Variants in NALCN observed in about 807,000 individuals in gnomAD.
The protein encoded by NALCN is sodium leak channel, non-selective.
A neutral mutation model predicts 225.3 loss-of-function variants in NALCN; 111 were observed. The ratio of observed to expected loss-of-function variants is 0.49; its 90% CI spans 0.42 to 0.58. The LOEUF (loss-of-function observed/expected upper bound fraction) is 0.58. Ranked by LOEUF, NALCN falls within the 20% of genes least tolerant of loss-of-function variation. The pLI, the probability that NALCN is intolerant of heterozygous loss-of-function variation, is 0.00. For missense variants in NALCN, 1,378 were observed against 2,202.4 expected (o/e 0.63, Z 7.49); for synonymous variants, 764 against 769.0 (o/e 0.99, Z 0.11).
chr13:101,296,817 ATGATAATCAGTTCTCC>A (rs1235070088), intron 7 of NALCN, among the ~76,000 whole-genome samples: 1 of 152,202 alleles, frequency 6.6e-6, no homozygotes, highest in African/African-American at 2.4e-5. Context: ...AATGATACTC[ATGATAATCAGTTCTCC>A]TGATTTCATT....
At chr13:101,344,311 G>C (rs1458580230) in intron 7 of NALCN, among the ~76,000 whole-genome samples, 4 of 152,114 alleles carry the variant, frequency 2.6e-5, no homozygotes, top group Non-Finnish European at 4.4e-5. Context: ...AATATTACTG[G>C]TCAAAAGAGA....
chr13:101,196,649 G>T (rs1029606259), intron 13 of NALCN, among the ~76,000 whole-genome samples: 1 of 152,114 alleles, frequency 6.6e-6, no homozygotes, highest in African/African-American at 2.4e-5. Flanking sequence ...AGAAGTATTA[G>T]CTGAGGCTGT....
intron 11 of NALCN, among the ~76,000 whole-genome samples, chr13:101,254,890 C>CAA (rs149258180): frequency 0.014 from 536 of 37,938 alleles, 49 homozygotes; most frequent in Middle Eastern, 0.022. Context: ...GACTCTGTCT[C>CAA]AAAAAAAAAA....
chr13:101,169,489 C>T (rs188881098), intron 15 of NALCN, among the ~76,000 whole-genome samples: 2 of 152,284 alleles, frequency 1.3e-5, no homozygotes, highest in African/African-American at 2.4e-5. Context: ...CAACCTTTCT[C>T]GCCTCCCTCT....
intron 7 of NALCN, among the ~76,000 whole-genome samples, chr13:101,313,754 G>T (rs565435937): frequency 3.3e-5 from 5 of 152,106 alleles, no homozygotes; most frequent in Non-Finnish European, 7.4e-5. Flanking sequence ...TTGGTGTGGC[G>T]ATTCCTCAGG....
chr13:101,108,488 A>G (rs2035261208), intron 20 of NALCN, among the ~76,000 whole-genome samples: 1 of 152,202 alleles, frequency 6.6e-6, no homozygotes, highest in African/African-American at 2.4e-5. Context: ...AAAGGCATAG[A>G]GAGACATAGA....
chr13:101,175,846 C>A (rs953107601), intron 15 of NALCN, among the ~76,000 whole-genome samples: 1 of 152,172 alleles, frequency 6.6e-6, no homozygotes, highest in African/African-American at 2.4e-5. Flanking sequence ...CACATTTGAT[C>A]ATTTATTCTG....
At chr13:101,134,461 T>G (rs17581968) in intron 17 of NALCN, among the ~76,000 whole-genome samples, 7,927 of 152,320 alleles carry the variant, frequency 0.052, 286 homozygotes, top group Middle Eastern at 0.085. Flanking sequence ...TTTATTACAT[T>G]TTCTTTCATT....
intron 25 of NALCN, 23 bp from the exon 26 acceptor site, chr13:101,103,362 T>C: frequency 6.3e-7 from 1 of 1,591,606 alleles, no homozygotes; most frequent in East Asian, 2.2e-5. Flanking sequence ...AAATGATCTC[T>C]GGAATTTATA....
intron 13 of NALCN, among the ~76,000 whole-genome samples, chr13:101,211,633 G>C (rs567321795): frequency 7.2e-6 from 1 of 138,936 alleles, no homozygotes; most frequent in African/African-American, 2.8e-5. Flanking sequence ...TTTGGGGGGG[G>C]AGACAATGAC....
At chr13:101,350,339 T>A (rs1273088324) in intron 6 of NALCN, among the ~76,000 whole-genome samples, 2 of 151,962 alleles carry the variant, frequency 1.3e-5, no homozygotes, top group Non-Finnish European at 2.9e-5. Flanking sequence ...GGTCTTCTCC[T>A]CCACTTGGAA....
chr13:101,126,369 G>A (rs1166350442), intron 17 of NALCN, among the ~76,000 whole-genome samples: 1 of 152,162 alleles, frequency 6.6e-6, no homozygotes, highest in Admixed American at 6.5e-5. Context: ...GTATGGACAA[G>A]GAGACAAGAG....
chr13:101,055,678 A>C (rs2031143242), intron 43 of NALCN, among the ~76,000 whole-genome samples, 190 bp from the exon 44 acceptor site: 1 of 152,018 alleles, frequency 6.6e-6, no homozygotes, highest in Non-Finnish European at 1.5e-5. Context: ...AATTGTGCTC[A>C]TGGACAACTA....
chr13:101,368,188 G>A (rs1401082877), intron 6 of NALCN, among the ~76,000 whole-genome samples: 1 of 131,116 alleles, frequency 7.6e-6, no homozygotes, highest in East Asian at 2.4e-4. Context: ...AGAGTGTGAT[G>A]TTCTCCTTCC....
chr13:101,193,761 T>C (rs1190457056), intron 13 of NALCN, among the ~76,000 whole-genome samples: 1 of 152,216 alleles, frequency 6.6e-6, no homozygotes, highest in Non-Finnish European at 1.5e-5. Flanking sequence ...AACTCATCAT[T>C]GAGGGCAATT....
chr13:101,377,814 C>T (rs2046737200), intron 4 of NALCN, among the ~76,000 whole-genome samples: 1 of 151,944 alleles, frequency 6.6e-6, no homozygotes, highest in Non-Finnish European at 1.5e-5. Context: ...GCATTCTTAC[C>T]ACAACCAAAT....
At chr13:101,298,749 C>G (rs1375822372) in intron 7 of NALCN, among the ~76,000 whole-genome samples, 1 of 152,184 alleles carries the variant, frequency 6.6e-6, no homozygotes, top group Non-Finnish European at 1.5e-5. Context: ...AAGGTCTGTC[C>G]TATGCATTGC....
rs1279448335 is a variant in NALCN, at chr13:101,279,831, TAAATA to T, written c.1134+4097_1134+4101del. Reference sequence around the variant, plus strand: ...GACTCCGTCTCAAAAAATAAATAAATAAATAAAATAAATAAATAAATAAATAAATA... The same window carrying T: ...GACTCCGTCTCAAAAAATAAATAAATAAATAAATAAATAAATAAATAAATA... On this transcript the variant is annotated intron_variant, in intron 10 of 43. Transcript: ENST00000251127. Among the ~76,000 whole-genome samples the T allele has an allele frequency of 2.5e-4, 23 of 91,440 alleles. No individual in the cohort carries two copies. The East Asian group carries it at 5.4e-3, about 21-fold the overall frequency. The allele number at this position is 91,440 out of a possible 152,430, so 60.0% of individuals were successfully genotyped here.
chr13:101,348,315 C>G lies in NALCN; in HGVS notation c.645-2895G>C, dbSNP rs543866628. 7.2e-5 allele frequency among the ~76,000 whole-genome samples: 11 copies of G among 152,238 alleles called. No homozygotes were observed. In the South Asian group the frequency reaches 2.3e-3, roughly 32 times the overall value. ...CATAATGGTGTGAAAACGTCTACCT[C>G]ATAAGCCTGGGGTGAGACGTAAGTA... is the stretch of plus-strand genomic sequence containing the variant. On this transcript the variant is annotated intron_variant, in intron 6 of 43. Coordinates refer to ENST00000251127, the MANE Select transcript of NALCN (RefSeq NM_052867.4).
Sources: allele counts gnomAD v4.1 joint callset (sites outside exome capture counted in the v4.1 genomes callset), GRCh38; gene constraint gnomAD v4.1.1; transcripts MANE v1.5; gene names NCBI Gene and HGNC (gene_info 2026-07-23, HGNC 2026-07-21).